Variants in PAXBP1 observed in about 807,000 individuals in gnomAD.
PAXBP1 encodes PAX3- and PAX7-binding protein 1.
PAXBP1 carries 44 observed loss-of-function variants against 119.9 expected under a neutral mutation model. That is an observed-to-expected ratio of 0.37 (90% CI 0.29 to 0.47). The LOEUF (loss-of-function observed/expected upper bound fraction) is 0.47. PAXBP1 is among the 20% of genes least tolerant of loss of function. The probability of loss-of-function intolerance (pLI) is 0.99; values close to 1 mark genes in which losing one functional copy is unlikely to be tolerated. For synonymous variants in PAXBP1, 393 were observed against 406.6 expected (o/e 0.97, Z 0.40); for missense variants, 898 against 1,134.1 (o/e 0.79, Z 2.99).
At chr21:32,745,182 T>C (rs1174270614) in intron 12 of PAXBP1, among the ~76,000 whole-genome samples, 1 of 152,218 alleles carries the variant, frequency 6.6e-6, no homozygotes, top group Admixed American at 6.5e-5. Context: ...CATCAAGAAT[T>C]TCAAACTAAC....
Position 32,760,381 on chromosome 21 carries a change from A to C in PAXBP1, c.976-387T>G, listed in dbSNP as rs998688169. Among the ~76,000 whole-genome samples, 3 of 152,300 alleles carry C rather than the reference A, an allele frequency of 2.0e-5. No individual in the cohort carries two copies. In the East Asian group the frequency reaches 5.8e-4, roughly 29 times the overall value. ...ACTTTCTCTATTGTGCCATTTTCTT[A>C]ACTTCACCCAAATGTATGCGAATTC... is the stretch of plus-strand genomic sequence containing the variant. On this transcript the variant is annotated intron_variant, in intron 5 of 17. Transcript: ENST00000331923.
intron 16 of PAXBP1, among the ~76,000 whole-genome samples, 167 bp downstream of exon 16, chr21:32,738,006 A>C (rs918777654): frequency 2.0e-5 from 3 of 152,182 alleles, no homozygotes; most frequent in African/African-American, 7.2e-5. Context: ...TATGTAAAAA[A>C]TGCTGTAGGG....
Position 32,759,197 on chromosome 21 carries a change from G to C in PAXBP1, c.1266C>G (p.Asp422Glu). 2 of 1,614,038 alleles carry C rather than the reference G, an allele frequency of 1.2e-6. No individual in the cohort carries two copies. The highest frequency in any genetic ancestry group is 1.7e-6 in the Non-Finnish European group (2 of 1,179,952). ...QHEKHLQSRV[D>E]STRAIERLEG... ...CTAATCTTTCAATAGCCCTGGTAGAGTCCACTCGGCTTTGCAGATGTTTCT... is the reference window on the plus strand; with the variant it reads ...CTAATCTTTCAATAGCCCTGGTAGACTCCACTCGGCTTTGCAGATGTTTCT... The change falls in exon 7 of 18, where the codon GAC (aspartate) becomes GAG (glutamate). Residue 422 changes from aspartate (D) to glutamate (E), a missense_variant. Coordinates refer to ENST00000331923, the MANE Select transcript of PAXBP1 (RefSeq NM_016631.4).
intron 7 of PAXBP1, chr21:32,756,235 C>T (rs961800489): frequency 3.9e-6 from 2 of 519,144 alleles, no homozygotes; most frequent in African/African-American, 4.0e-5. Context: ...TCACGTAACA[C>T]TAATGACCAC....
At position 32,764,469 on chromosome 21, in the gene PAXBP1, T is replaced by C. The variant is rs2044206224; in HGVS notation, c.528A>G (p.Gly176=). 6.2e-7 allele frequency: 1 copy of C among 1,613,674 alleles called. No homozygotes were observed. Among genetic ancestry groups the C allele is most frequent in the African/African-American group, 1.3e-5 (1 of 74,926 alleles). Residue 176 remains glycine, a synonymous_variant, in exon 3 of 18, where the codon GGA becomes GGG. Transcript: ENST00000331923. ...GHVKDTNQED[G]VIISEHGEDE... ...CTTCACCATGTTCACTGATGATAAC[T>C]CCATCTTCTTGATTTGTATCCTTAA... is the stretch of plus-strand genomic sequence containing the variant.
intron 7 of PAXBP1, 55 bp downstream of exon 7, chr21:32,759,025 C>T (rs2044091094): frequency 6.4e-7 from 1 of 1,554,240 alleles, no homozygotes; most frequent in Non-Finnish European, 8.8e-7. Context: ...ACAAGGCCAT[C>T]TAGACCTCCC....
intron 15 of PAXBP1, among the ~76,000 whole-genome samples, chr21:32,740,254 G>A (rs1017842564): frequency 1.3e-5 from 2 of 152,056 alleles, no homozygotes; most frequent in Non-Finnish European, 2.9e-5. Context: ...AGTCCCCAAT[G>A]GGGGGGCCTT....
At chr21:32,767,697 C>T (rs986440412) in intron 2 of PAXBP1, among the ~76,000 whole-genome samples, 2 of 152,166 alleles carry the variant, frequency 1.3e-5, no homozygotes, top group African/African-American at 4.8e-5. Flanking sequence ...TTTTCTCTTG[C>T]TGCCGCCATG....
chr21:32,739,900 T>G (rs1241620060), intron 15 of PAXBP1, among the ~76,000 whole-genome samples: 3 of 139,202 alleles, frequency 2.2e-5, no homozygotes, highest in Non-Finnish European at 3.0e-5. Flanking sequence ...AGCTCAGGAG[T>G]TTGAGACCAG....
intron 13 of PAXBP1, 84 bp downstream of exon 13, chr21:32,744,708 G>T: frequency 7.3e-7 from 1 of 1,373,918 alleles, no homozygotes; most frequent in Non-Finnish European, 9.7e-7. Flanking sequence ...GATTGGTTTA[G>T]GATAACCACT....
Position 32,734,908 on chromosome 21 carries a change from G to A in PAXBP1, c.*42C>T. The A allele has an allele frequency of 1.4e-6, 2 of 1,425,780 alleles. No individual in the cohort carries two copies. The highest frequency in any genetic ancestry group is 2.0e-6 in the Non-Finnish European group (2 of 1,009,814). The allele number at this position is 1,425,780 out of a possible 1,614,324, so 88.3% of individuals were successfully genotyped here. ...TACATATATACAAAATTTACACATT[G>A]GGAATGGTAATCAAGCAAATAGGTT... On this transcript the variant is annotated 3_prime_UTR_variant, in exon 18 of 18. Transcript: ENST00000331923.
intron 9 of PAXBP1, 30 bp from the exon 10 acceptor site, chr21:32,751,062 A>G: frequency 1.2e-6 from 2 of 1,611,214 alleles, no homozygotes; most frequent in Non-Finnish European, 1.7e-6. Context: ...TTCCCAAACT[A>G]GATAACAGAG....
chr21:32,738,479 G>T (rs1314842721), intron 15 of PAXBP1, 160 bp from the exon 16 acceptor site: 7 of 626,854 alleles, frequency 1.1e-5, no homozygotes, highest in African/African-American at 9.6e-5. Context: ...TCCTAGAATG[G>T]TTACATTTGA....
intron 2 of PAXBP1, among the ~76,000 whole-genome samples, chr21:32,768,284 C>T (rs1310067029): frequency 6.6e-6 from 1 of 152,170 alleles, no homozygotes; most frequent in African/African-American, 2.4e-5. Context: ...ATGCTCTTGG[C>T]CCTCCCAGAC....
At chr21:32,743,347 A>G (rs375427291) in intron 14 of PAXBP1, 33 bp from the exon 15 acceptor site, 3 of 1,415,122 alleles carry the variant, frequency 2.1e-6, no homozygotes, top group Non-Finnish European at 2.9e-6. Flanking sequence ...TATCATGATC[A>G]GATATTTTAT....
At chr21:32,756,112 C>T in intron 7 of PAXBP1, 1 of 259,716 alleles carries the variant, frequency 3.9e-6, no homozygotes, top group South Asian at 3.5e-5. Context: ...GGTTAATATC[C>T]CTAAAGCATT....
chr21:32,744,580 C>A (rs540895912), intron 13 of PAXBP1, among the ~76,000 whole-genome samples: 1 of 151,308 alleles, frequency 6.6e-6, no homozygotes, highest in Non-Finnish European at 1.5e-5. Context: ...AAACTGAAAA[C>A]TAACATCTCT....
At chr21:32,742,784 A>G (rs2043807366) in intron 15 of PAXBP1, 1 of 307,862 alleles carries the variant, frequency 3.2e-6, no homozygotes, top group South Asian at 2.9e-5. Context: ...TTACCACAGT[A>G]TATTATTAAT....
In PAXBP1 at chr21:32,737,316, G is replaced by A; in HGVS notation, c.2574C>T (p.His858=). The A allele has an allele frequency of 6.2e-7, 1 of 1,607,908 alleles. No homozygotes were observed. Among genetic ancestry groups the A allele is most frequent in the South Asian group, 1.1e-5 (1 of 90,404 alleles). ...TATTTCTATAAATTGTATCCGCTAAGTGTACAAGGTATCGGCAAAAGTTTT... is the reference window on the plus strand; with the variant it reads ...TATTTCTATAAATTGTATCCGCTAAATGTACAAGGTATCGGCAAAAGTTTT... ...QLENFCRYLV[H]LADTIYRNSI... The change falls in exon 17 of 18, where the codon CAC becomes CAT. Residue 858 remains histidine, a synonymous_variant. Transcript: ENST00000331923.
Sources: gnomAD v4.1 joint callset for allele counts (sites outside exome capture counted in the v4.1 genomes callset) on GRCh38, gnomAD v4.1.1 for gene constraint, MANE v1.5 for transcripts, NCBI Gene and HGNC (gene_info 2026-07-23, HGNC 2026-07-21) for gene names.